CSMD1: variants seen among roughly 807,000 people sequenced by gnomAD.
CSMD1 encodes CUB and sushi domain-containing protein 1.
A neutral mutation model predicts 417.5 loss-of-function variants in CSMD1; 213 were observed. The observed-to-expected ratio is 0.51, with a 90% confidence interval of 0.46 to 0.57. The LOEUF (loss-of-function observed/expected upper bound fraction) is 0.57, where lower values mean the gene tolerates loss of function less well. Ranked by LOEUF, CSMD1 falls within the 20% of genes least tolerant of loss-of-function variation. The pLI is 0.00. For missense variants in CSMD1, 6,923 were observed against 4,529.7 expected, an observed-to-expected ratio of 1.53 and a Z score of -15.17; for synonymous variants, 2,862 against 1,736.8, an observed-to-expected ratio of 1.65 and a Z score of -16.11.
intron 3 of CSMD1, among the ~76,000 whole-genome samples, chr8:4,098,641 G>A (rs4513998): frequency 0.99 from 151,202 of 152,254 alleles, 75,086 homozygotes; most frequent in Middle Eastern, 1. Context: ...CCATTTCTAC[G>A]TATTGGTGGT....
intron 3 of CSMD1, among the ~76,000 whole-genome samples, chr8:4,393,643 C>A (rs936102051): frequency 6.6e-6 from 1 of 152,110 alleles, no homozygotes; most frequent in Non-Finnish European, 1.5e-5. Flanking sequence ...GTTGAAAAGA[C>A]GTGAGCACTA....
intron 3 of CSMD1, among the ~76,000 whole-genome samples, chr8:4,276,413 G>A (rs1314510493): frequency 2.0e-5 from 3 of 152,066 alleles, no homozygotes; most frequent in Non-Finnish European, 4.4e-5. Context: ...TCATAAGTGG[G>A]AGTTGAACAA....
rs997807760 is a variant in CSMD1, at chr8:3,671,176, T to G, written c.1009+37238A>C. 3.0e-4 allele frequency among the ~76,000 whole-genome samples: 44 copies of G among 148,012 alleles called. 1 individual carries two copies. The highest frequency in any genetic ancestry group is 1.1e-3 in the African/African-American group (44 of 40,674). On this transcript the variant is annotated intron_variant, in intron 7 of 69. Coordinates refer to ENST00000635120, the MANE Select transcript of CSMD1 (RefSeq NM_033225.6). ...GATATATATGTATATGAGATATATA[T>G]GTATATGGTATATATAGGTATATGG...
chr8:4,195,841 A>G (rs1799304244), intron 3 of CSMD1, among the ~76,000 whole-genome samples: 1 of 152,098 alleles, frequency 6.6e-6, no homozygotes, highest in Non-Finnish European at 1.5e-5. Context: ...GAGGCAGTGG[A>G]ATTAACGCCT....
intron 6 of CSMD1, among the ~76,000 whole-genome samples, chr8:3,751,025 G>A (rs1239970056): frequency 6.6e-6 from 1 of 152,064 alleles, no homozygotes; most frequent in African/African-American, 2.4e-5. Flanking sequence ...AGAGGGTGGT[G>A]TCTAGTACTG....
At chr8:4,408,640 A>C (rs13264886) in intron 3 of CSMD1, among the ~76,000 whole-genome samples, 1 of 152,074 alleles carries the variant, frequency 6.6e-6, no homozygotes, top group Non-Finnish European at 1.5e-5. Context: ...ATATGACACC[A>C]TTTCAAGTTG....
chr8:3,990,749 G>T (rs1814680042), intron 5 of CSMD1, among the ~76,000 whole-genome samples: 1 of 152,154 alleles, frequency 6.6e-6, no homozygotes, highest in South Asian at 2.1e-4. Flanking sequence ...CAGAGTTGCA[G>T]GGGCACCTGC....
chr8:3,824,344 G>C (rs1048403908), intron 5 of CSMD1, among the ~76,000 whole-genome samples: 1 of 152,148 alleles, frequency 6.6e-6, no homozygotes, highest in Non-Finnish European at 1.5e-5. Context: ...CAGATACTAT[G>C]TGCAAAGTTT....
In CSMD1 at chr8:3,396,306, C is replaced by T. The variant is rs1811695214; in HGVS notation, c.2481G>A (p.Glu827=). 1.2e-6 allele frequency: 2 copies of T among 1,606,742 alleles called. No homozygotes were observed. Among genetic ancestry groups the T allele is most frequent in the African/African-American group, 1.3e-5 (1 of 74,954 alleles). ...ACTGGGGTGCCTGGGTGCCGTGGTA[C>T]TCGCCGATCAGTGGGGACGAACTGG... ...GPASSSPLIG[E]YHGTQAPQFL... Residue 827 remains glutamate, a synonymous_variant, in exon 17 of 70, where the codon GAG becomes GAA. Coordinates refer to ENST00000635120, the MANE Select transcript of CSMD1 (RefSeq NM_033225.6).
intron 3 of CSMD1, among the ~76,000 whole-genome samples, chr8:4,127,597 C>A (rs147809393): frequency 6.6e-6 from 1 of 152,030 alleles, no homozygotes; most frequent in Non-Finnish European, 1.5e-5. Context: ...TTCTACTTTC[C>A]CACACCACAT....
intron 5 of CSMD1, among the ~76,000 whole-genome samples, chr8:3,894,368 A>G (rs1232132686): frequency 6.6e-6 from 1 of 152,190 alleles, no homozygotes; most frequent in Non-Finnish European, 1.5e-5. Context: ...TGGGTGTTGC[A>G]ACTCAAGGGG....
chr8:3,015,565 C>G (rs769731429), intron 52 of CSMD1, among the ~76,000 whole-genome samples: 23 of 150,846 alleles, frequency 1.5e-4, no homozygotes, highest in Admixed American at 9.9e-4. Context: ...CAATAGTAAA[C>G]AAAAAAAAGG....
chr8:3,262,184 A>AAAAT (rs1420684024), intron 26 of CSMD1, among the ~76,000 whole-genome samples: 805 of 63,042 alleles, frequency 0.013, 66 homozygotes, highest in Middle Eastern at 0.019. Flanking sequence ...TGCTCATATG[A>AAAAT]ATATATATAT....
chr8:4,538,370 C>A (rs556296977), intron 2 of CSMD1, among the ~76,000 whole-genome samples: 6 of 151,856 alleles, frequency 4.0e-5, no homozygotes, highest in Admixed American at 3.9e-4. Flanking sequence ...AGGCTGGGTG[C>A]GATGGCTTAT....
intron 1 of CSMD1, among the ~76,000 whole-genome samples, chr8:4,645,230 G>A (rs996654788): frequency 2.6e-5 from 4 of 152,036 alleles, no homozygotes; most frequent in Non-Finnish European, 5.9e-5. Flanking sequence ...TTCCGGGCAA[G>A]ACAAGGCTGC....
At chr8:3,459,147 T>C (rs572840114) in intron 12 of CSMD1, among the ~76,000 whole-genome samples, 3 of 152,350 alleles carry the variant, frequency 2.0e-5, no homozygotes, top group South Asian at 2.1e-4. Context: ...CCTGTGGCTC[T>C]TGAGAGGACA....
At chr8:3,990,448 T>C (rs376541890) in intron 5 of CSMD1, among the ~76,000 whole-genome samples, 3 of 152,208 alleles carry the variant, frequency 2.0e-5, no homozygotes, top group African/African-American at 7.2e-5. Context: ...TGGTCCCATC[T>C]TTAGAGACCA....
chr8:4,298,592 T>C (rs901179046), intron 3 of CSMD1, among the ~76,000 whole-genome samples: 13 of 152,172 alleles, frequency 8.5e-5, no homozygotes, highest in African/African-American at 2.9e-4. Flanking sequence ...CAAATATTGA[T>C]ACACATATTT....
chr8:4,703,834 G>C (rs1015560403), intron 1 of CSMD1, among the ~76,000 whole-genome samples: 1 of 152,160 alleles, frequency 6.6e-6, no homozygotes, highest in African/African-American at 2.4e-5. Context: ...TGGCACCAGG[G>C]ACCAGTTCTC....
Sources: allele counts gnomAD v4.1 joint callset (sites outside exome capture counted in the v4.1 genomes callset), GRCh38; gene constraint gnomAD v4.1.1; transcripts MANE v1.5; gene names NCBI Gene and HGNC (gene_info 2026-07-23, HGNC 2026-07-21).